The following CHRM2 variants were observed in gnomAD, a reference collection of about 807,000 sequenced individuals.
The protein encoded by CHRM2 is cholinergic receptor muscarinic 2, also known as muscarinic acetylcholine receptor M2.
CHRM2 carries 8 observed loss-of-function variants against 25.0 expected under a neutral mutation model. The ratio of observed to expected loss-of-function variants is 0.32; its 90% CI spans 0.19 to 0.58. The LOEUF is 0.58. Ranked by LOEUF, CHRM2 falls within the 20% of genes least tolerant of loss-of-function variation. The pLI, the probability that CHRM2 is intolerant of heterozygous loss-of-function variation, is 0.88. For synonymous variants in CHRM2, 202 were observed against 205.7 expected (o/e 0.98, Z 0.15); for missense variants, 440 against 567.1 (o/e 0.78, Z 2.28).
chr7:136,920,835 G>C (rs1347930185), intron 2 of CHRM2, among the ~76,000 whole-genome samples: 2 of 152,044 alleles, frequency 1.3e-5, no homozygotes, highest in Non-Finnish European at 2.9e-5. Context: ...TTCTGCCAAA[G>C]CTTTCCACCA....
chr7:136,944,480 TG>T (rs1799953087), intron 2 of CHRM2, among the ~76,000 whole-genome samples: 1 of 109,668 alleles, frequency 9.1e-6, no homozygotes, highest in East Asian at 5.0e-4. Flanking sequence ...TGTATGTGTG[TG>T]TGTGTGTACA....
At chr7:136,902,907 C>A (rs2130631449) in intron 2 of CHRM2, 1 of 343,874 alleles carries the variant, frequency 2.9e-6, no homozygotes, top group South Asian at 2.4e-5. Context: ...TGATAAGGTA[C>A]ACATTATTTG....
At chr7:137,000,543 AGAAAGAAG>A (rs1291364125) in intron 3 of CHRM2, among the ~76,000 whole-genome samples, 1 of 36,530 alleles carries the variant, frequency 2.7e-5, no homozygotes, top group African/African-American at 9.5e-5. Flanking sequence ...AAGAAAAGAA[AGAAAGAAG>A]GAAGGAAGGA....
At chr7:136,918,299 C>T (rs1347913480) in intron 2 of CHRM2, among the ~76,000 whole-genome samples, 3 of 151,990 alleles carry the variant, frequency 2.0e-5, no homozygotes, top group Admixed American at 6.6e-5. Context: ...ACCTAAGGTC[C>T]TCTATTTAAC....
At chr7:136,957,471 C>G (rs1800793192) in intron 2 of CHRM2, among the ~76,000 whole-genome samples, 1 of 152,190 alleles carries the variant, frequency 6.6e-6, no homozygotes, top group Non-Finnish European at 1.5e-5. Flanking sequence ...CATAAACCCA[C>G]AAAAGATAAT....
At chr7:136,872,213 T>C (rs1469458039) in intron 2 of CHRM2, among the ~76,000 whole-genome samples, 2 of 152,164 alleles carry the variant, frequency 1.3e-5, no homozygotes, top group Non-Finnish European at 2.9e-5. Context: ...AGAAGGGTGC[T>C]TGAGGGTGCC....
At chr7:136,978,150 A>T (rs1032933844) in intron 2 of CHRM2, among the ~76,000 whole-genome samples, 6 of 152,152 alleles carry the variant, frequency 3.9e-5, no homozygotes, top group African/African-American at 1.4e-4. Context: ...GATCATCTGT[A>T]TCCCAAACCA....
Position 136,877,045 on chromosome 7 carries a change from GAAATC to G in CHRM2, c.-125+7629_-125+7633del, listed in dbSNP as rs536528140. On this transcript the variant is annotated intron_variant, in intron 2 of 3. Transcript: ENST00000680005. Reference sequence around the variant, plus strand: ...AGCCCCTTCCATGATACTGAGGTGGGAAATCACAGGACTACATTTTAAATAACAGA... The same window carrying G: ...AGCCCCTTCCATGATACTGAGGTGGGACAGGACTACATTTTAAATAACAGA... Among the ~76,000 whole-genome samples, 20 of 152,128 alleles carry G rather than the reference GAAATC, an allele frequency of 1.3e-4. No individual in the cohort carries two copies. The East Asian group carries it at 3.9e-3, about 29-fold the overall frequency.
chr7:136,983,246 T>C (rs886727242), intron 2 of CHRM2, among the ~76,000 whole-genome samples: 4 of 152,242 alleles, frequency 2.6e-5, no homozygotes, highest in Non-Finnish European at 5.9e-5. Context: ...CTATTCATAC[T>C]TGTGTATGCT....
chr7:136,924,264 A>T (rs1414259668), intron 2 of CHRM2, among the ~76,000 whole-genome samples: 1 of 151,840 alleles, frequency 6.6e-6, no homozygotes, highest in South Asian at 2.1e-4. Context: ...CACAACGTGC[A>T]GGTTAGTTAC....
chr7:136,933,287 T>C (rs1437022248), intron 2 of CHRM2, among the ~76,000 whole-genome samples: 1 of 152,140 alleles, frequency 6.6e-6, no homozygotes, highest in Non-Finnish European at 1.5e-5. Context: ...CCAAAGGAGA[T>C]AAACAAATGG....
intron 2 of CHRM2, among the ~76,000 whole-genome samples, chr7:136,931,485 C>T (rs1799103778): frequency 6.6e-6 from 1 of 152,182 alleles, no homozygotes; most frequent in African/African-American, 2.4e-5. Flanking sequence ...ACTGAGGAAG[C>T]CACGTAATGC....
In CHRM2 at chr7:137,018,275, T is replaced by A. The variant is rs1390777227; in HGVS notation, c.*2009T>A. ...GCAGTATTTATATTTGACTTATCCT[T>A]CGTAAAAACAATTTCCTGTTTAAAT... is the stretch of plus-strand genomic sequence containing the variant. On this transcript the variant is annotated 3_prime_UTR_variant, in exon 4 of 4. Coordinates refer to ENST00000680005, the MANE Select transcript of CHRM2 (RefSeq NM_001006630.2). 4 of 151,950 alleles carry A rather than the reference T, an allele frequency of 2.6e-5. No homozygotes were observed. Among genetic ancestry groups the A allele is most frequent in the Non-Finnish European group, 5.9e-5 (4 of 67,922 alleles). 9.4% of individuals were successfully genotyped at this position (151,950 alleles called of 1,614,324 possible). A position where few individuals can be genotyped will look rare whatever the true frequency, so the allele number is the denominator to read the frequency against.
intron 2 of CHRM2, among the ~76,000 whole-genome samples, chr7:136,920,791 C>T (rs1030303196): frequency 1.3e-5 from 2 of 152,178 alleles, no homozygotes; most frequent in African/African-American, 4.8e-5. Context: ...TCATGACACT[C>T]AGTGTTTCCT....
chr7:136,875,695 G>T (rs972634743), intron 2 of CHRM2, among the ~76,000 whole-genome samples: 1 of 152,078 alleles, frequency 6.6e-6, no homozygotes, highest in African/African-American at 2.4e-5. Flanking sequence ...AACAGTCTAG[G>T]ATAAACCCTG....
rs76500747 is a variant in CHRM2 at position 136,935,622 on chromosome 7, C to G, written c.-124-56565C>G. The stretch of plus-strand genomic sequence containing the variant: ...TACTGTTTGATTAAGTGGCCCCACT[C>G]TGCAATTCTCTCTTATTTTTATTGA... On this transcript the variant is annotated intron_variant, in intron 2 of 3. Transcript: ENST00000680005. Among the ~76,000 whole-genome samples the G allele has an allele frequency of 1.1e-3, 164 of 152,288 alleles. 2 individuals carry two copies. In the East Asian group the frequency reaches 0.025, roughly 23 times the overall value.
At chr7:136,918,231 T>A (rs1202116932) in intron 2 of CHRM2, among the ~76,000 whole-genome samples, 2 of 152,052 alleles carry the variant, frequency 1.3e-5, no homozygotes, top group Non-Finnish European at 2.9e-5. Context: ...ACATAATGAG[T>A]CCTTATATCT....
chr7:136,949,768 C>T (rs1475826320), intron 2 of CHRM2, among the ~76,000 whole-genome samples: 1 of 147,656 alleles, frequency 6.8e-6, no homozygotes, highest in Admixed American at 6.8e-5. Context: ...GAGACAGAGT[C>T]TTGCTGTGTT....
intron 2 of CHRM2, among the ~76,000 whole-genome samples, chr7:136,930,898 C>CAAAAATAAAAAAAAAAAA (rs1799049967): frequency 1.6e-5 from 1 of 61,138 alleles, no homozygotes; most frequent in Admixed American, 2.7e-4. Flanking sequence ...CTCATTCTCT[C>CAAAAATAAAAAAAAAAAA]AAAAAAAAAA....
Sources: allele counts gnomAD v4.1 joint callset (sites outside exome capture counted in the v4.1 genomes callset), GRCh38; gene constraint gnomAD v4.1.1; transcripts MANE v1.5; gene names NCBI Gene and HGNC (gene_info 2026-07-23, HGNC 2026-07-21).